The following POLR3E variants were observed in gnomAD, a reference collection of about 807,000 sequenced individuals.
The protein encoded by POLR3E is RNA polymerase III subunit E, also known as DNA-directed RNA polymerase III subunit RPC5.
POLR3E carries 41 observed loss-of-function variants against 96.6 expected under a neutral mutation model. The ratio of observed to expected loss-of-function variants is 0.42; its 90% CI spans 0.33 to 0.55. The LOEUF is 0.55. Ranked by LOEUF, POLR3E falls within the 20% of genes least tolerant of loss-of-function variation. The pLI is 0.06. For synonymous variants in POLR3E, 396 were observed against 383.6 expected (o/e 1.03, Z -0.38); for missense variants, 849 against 952.1 (o/e 0.89, Z 1.43).
At chr16:22,319,010 T>C (rs2048416891) in intron 13 of POLR3E, 64 bp downstream of exon 13, 1 of 1,283,604 alleles carries the variant, frequency 7.8e-7, no homozygotes, top group Non-Finnish European at 1.1e-6. Context: ...GCTTCACTCT[T>C]GTTGCCCAGG....
chr16:22,305,225 G>A lies in POLR3E; in HGVS notation c.87+19G>A, dbSNP rs2048110619. On this transcript the variant is annotated intron_variant, in intron 3 of 20. Transcript: ENST00000299853. ...ATTTCAGGTAATTATGGGACTTGAA[G>A]GTAAAGAGGGGAGAAGCAGGTGTGG... The A allele has an allele frequency of 2.5e-6, 4 of 1,581,858 alleles. No individual in the cohort carries two copies. Among genetic ancestry groups the A allele is most frequent in the Non-Finnish European group, 3.5e-6 (4 of 1,150,726 alleles).
chr16:22,329,390 G>A (rs1307018833), intron 19 of POLR3E, among the ~76,000 whole-genome samples: 5 of 152,188 alleles, frequency 3.3e-5, no homozygotes, highest in South Asian at 2.1e-4. Context: ...AGCGCCTTGC[G>A]TGTGTGTGGT....
chr16:22,311,088 C>A (rs370223780), intron 6 of POLR3E, among the ~76,000 whole-genome samples: 5 of 152,230 alleles, frequency 3.3e-5, no homozygotes, highest in African/African-American at 9.6e-5. Context: ...GTCTCAGACT[C>A]CCGAGTAGCT....
In POLR3E at chr16:22,332,129, T is replaced by C. The variant is rs761419294; in HGVS notation, c.2014T>C (p.Leu672=). Reference sequence around the variant, plus strand: ...ACGCCGAAACATGATCCAGTCTCGGTTGACTCAAGAGTGTGGAGAAGATCT... The same window carrying C: ...ACGCCGAAACATGATCCAGTCTCGGCTGACTCAAGAGTGTGGAGAAGATCT... The part of the protein sequence containing the change: ...RVRRNMIQSR[L]TQECGEDLSK... The change falls in exon 20 of 21, where the codon TTG becomes CTG. Residue 672 remains leucine (L), a synonymous_variant. Coordinates refer to ENST00000299853, the MANE Select transcript of POLR3E (RefSeq NM_018119.4). 3.7e-6 allele frequency: 6 copies of C among 1,613,778 alleles called. No individual in the cohort carries two copies. In the Admixed American group the frequency reaches 5.0e-5, roughly 13 times the overall value.
intron 1 of POLR3E, among the ~76,000 whole-genome samples, chr16:22,298,046 G>C (rs1428876334): frequency 6.6e-6 from 1 of 152,256 alleles, no homozygotes; most frequent in Non-Finnish European, 1.5e-5. Context: ...TGCCCGGCGA[G>C]GCCAGGGATT....
Position 22,326,076 on chromosome 16 carries a change from G to A in POLR3E, c.1664G>A (p.Ser555Asn), listed in dbSNP as rs1161509350. 1.2e-6 allele frequency: 2 copies of A among 1,612,674 alleles called. No homozygotes were observed. The highest frequency in any genetic ancestry group is 4.5e-5 in the East Asian group (2 of 44,858). The change falls in exon 18 of 21, where the codon AGC becomes AAC. Residue 555 changes from serine to asparagine, a missense_variant. Coordinates refer to ENST00000299853, the MANE Select transcript of POLR3E (RefSeq NM_018119.4). ...GGGCACCCGCCCCAGGGCTGCGCCA[G>A]CACCCCTGTGGCTCGGGAACTGAAG... ...FNGHPPQGCA[S>N]TPVARELKAF... is the part of the protein sequence containing the mutation.
chr16:22,300,711 T>G (rs2048003518), intron 1 of POLR3E, among the ~76,000 whole-genome samples: 1 of 152,224 alleles, frequency 6.6e-6, no homozygotes, highest in African/African-American at 2.4e-5. Flanking sequence ...ACTCCTGATT[T>G]TCATTCCATC....
intron 1 of POLR3E, among the ~76,000 whole-genome samples, chr16:22,298,543 C>T (rs934950011): frequency 1.6e-4 from 24 of 152,110 alleles, no homozygotes; most frequent in African/African-American, 5.1e-4. Flanking sequence ...GTCACAGATG[C>T]CAAGCAGCTG....
chr16:22,309,553 G>T lies in POLR3E; in HGVS notation c.364+43G>T, dbSNP rs367725704. The T allele has an allele frequency of 3.8e-4, 530 of 1,379,244 alleles. 8 individuals carry two copies. The South Asian group carries it at 5.5e-3, about 14-fold the overall frequency. 85.4% of individuals were successfully genotyped at this position (1,379,244 alleles called of 1,614,324 possible). A position where few individuals can be genotyped will look rare whatever the true frequency, so the allele number is the denominator to read the frequency against. ...TCCCGCGGTGGGGACATGGCATTGG[G>T]GGGGGCTGGGCAGGGAGAGTACCTC... On this transcript the variant is annotated intron_variant, in intron 6 of 20. Transcript: ENST00000299853.
intron 20 of POLR3E, among the ~76,000 whole-genome samples, chr16:22,333,394 G>T (rs960834947): frequency 2.4e-4 from 36 of 150,946 alleles, no homozygotes; most frequent in African/African-American, 8.3e-4. Context: ...AGAGGCTGCA[G>T]TGAGCCAAGA....
Position 22,322,010 on chromosome 16 carries a change from G to C in POLR3E, c.987-840G>C, listed in dbSNP as rs1307952219. Among the ~76,000 whole-genome samples, 4 of 152,204 alleles carry C rather than the reference G, an allele frequency of 2.6e-5. No homozygotes were observed. The highest frequency in any genetic ancestry group is 9.7e-5 in the African/African-American group (4 of 41,442). On this transcript the variant is annotated intron_variant, in intron 13 of 20. Transcript: ENST00000299853. The surrounding 1 kb of genome is among the most constrained non-coding windows in gnomAD (Gnocchi z 5.2). ...TGGGGATGGCGGCTGTTACATTTGA[G>C]CTCCCTGAATGCAGAGATCATGGCA...
intron 3 of POLR3E, among the ~76,000 whole-genome samples, chr16:22,306,717 T>C (rs2048140113): frequency 1.3e-5 from 2 of 152,240 alleles, no homozygotes; most frequent in Admixed American, 1.3e-4. Flanking sequence ...GAACGTGAAT[T>C]CTCATTTCTT....
chr16:22,332,260 G>C, intron 20 of POLR3E, 75 bp downstream of exon 20: 1 of 1,355,368 alleles, frequency 7.4e-7, no homozygotes, highest in Non-Finnish European at 1.0e-6. Flanking sequence ...AGGGACTCTA[G>C]TGTCTTTGTG....
At chr16:22,303,573 A>G (rs2048069801) in intron 2 of POLR3E, among the ~76,000 whole-genome samples, 1 of 151,082 alleles carries the variant, frequency 6.6e-6, no homozygotes. Flanking sequence ...CTGGGAAGCT[A>G]ATGGGCTGTG....
At chr16:22,326,318 G>T in intron 18 of POLR3E, 40 bp downstream of exon 18, 2 of 462,304 alleles carry the variant, frequency 4.3e-6, no homozygotes, top group Admixed American at 2.4e-5. Flanking sequence ...GGGGGGTGGG[G>T]GGTGGGGAGA....
intron 14 of POLR3E, among the ~76,000 whole-genome samples, chr16:22,323,757 C>G (rs1041855525): frequency 4.6e-5 from 7 of 152,150 alleles, no homozygotes; most frequent in Non-Finnish European, 8.8e-5. Context: ...CTGCCCGCCC[C>G]GCTCCAGTGT....
Position 22,313,023 on chromosome 16 carries a change from G to T in POLR3E, c.365-597G>T, listed in dbSNP as rs2048281049. Among the ~76,000 whole-genome samples the T allele has an allele frequency of 1.3e-5, 2 of 152,046 alleles. No individual in the cohort carries two copies. Among genetic ancestry groups the T allele is most frequent in the African/African-American group, 4.8e-5 (2 of 41,400 alleles). On this transcript the variant is annotated intron_variant, in intron 6 of 20. Transcript: ENST00000299853. The surrounding 1 kb of genome is among the most constrained non-coding windows in gnomAD (Gnocchi z 4.1). Reference sequence around the variant, plus strand: ...CTCGCGCGTTCTGTTTAGAACCCATGTCTCAAGCATGTAATTCTTGAAAGC... The same window carrying T: ...CTCGCGCGTTCTGTTTAGAACCCATTTCTCAAGCATGTAATTCTTGAAAGC...
chr16:22,313,801 G>A lies in POLR3E; in HGVS notation c.472+74G>A. 1 of 1,016,788 alleles carries A rather than the reference G, an allele frequency of 9.8e-7. No homozygotes were observed. The allele number at this position is 1,016,788 out of a possible 1,614,324, so 63.0% of individuals were successfully genotyped here. On this transcript the variant is annotated intron_variant, in intron 7 of 20. Coordinates refer to ENST00000299853, the MANE Select transcript of POLR3E (RefSeq NM_018119.4). This position sits in a 1 kb window ranked among gnomAD's most constrained non-coding sequence, Gnocchi z 4.1. ...GGGATGGCTTGGTCCTGGGAAGAGG[G>A]ATGGGATGATAGGATGTTTAGCAGG...
rs1460029979 is a variant in POLR3E, at chr16:22,332,138, G to A, written c.2023G>A (p.Glu675Lys). Reference protein sequence around the residue: ...RNMIQSRLTQECGEDLSKQEV... With the variant: ...RNMIQSRLTQKCGEDLSKQEV... The stretch of plus-strand genomic sequence containing the variant: ...CATGATCCAGTCTCGGTTGACTCAA[G>A]AGTGTGGAGAAGATCTCAGTAAACA... Residue 675 changes from glutamate to lysine, a missense_variant, in exon 20 of 21, where the codon GAG becomes AAG. Physicochemically the swap from Glu to Lys is moderately conservative, Grantham distance 56 (BLOSUM62 1). Transcript: ENST00000299853. 11 of 1,613,630 alleles carry A rather than the reference G, an allele frequency of 6.8e-6. No homozygotes were observed. Among genetic ancestry groups the A allele is most frequent in the African/African-American group, 1.3e-5 (1 of 74,932 alleles).
Sources: gnomAD v4.1 joint callset for allele counts (sites outside exome capture counted in the v4.1 genomes callset) on GRCh38, gnomAD v4.1.1 for gene constraint, Gnocchi (gnomAD v3.1) non-coding constraint, MANE v1.5 for transcripts, NCBI Gene and HGNC (gene_info 2026-07-23, HGNC 2026-07-21) for gene names.